STXBP5: variants seen among roughly 807,000 people sequenced by gnomAD.
STXBP5 encodes syntaxin binding protein 5.
In STXBP5, 50 loss-of-function variants were observed where a neutral mutation model predicts 152.4. The ratio of observed to expected loss-of-function variants is 0.33; its 90% confidence interval spans 0.26 to 0.42. STXBP5 has a LOEUF of 0.42. STXBP5 is among the 10% of genes least tolerant of loss of function. STXBP5 has a pLI of 1.00. For synonymous variants in STXBP5, 492 were observed against 494.7 expected (o/e 0.99, Z 0.07); for missense variants, 1,167 against 1,388.6 (o/e 0.84, Z 2.54).
chr6:147,378,409 T>TAAAAAA (rs34601059), intron 26 of STXBP5, among the ~76,000 whole-genome samples: 1 of 136,050 alleles, frequency 7.4e-6, no homozygotes, highest in Non-Finnish European at 1.6e-5. Flanking sequence ...GATTTATCAT[T>TAAAAAA]AAAAAAAAAA....
intron 4 of STXBP5, among the ~76,000 whole-genome samples, chr6:147,258,167 A>G (rs894534048): frequency 1.3e-5 from 2 of 152,220 alleles, no homozygotes; most frequent in Non-Finnish European, 2.9e-5. Context: ...CCACACGATC[A>G]ATCCTAGAGT....
At chr6:147,372,407 C>CTT (rs869251731) in intron 25 of STXBP5, among the ~76,000 whole-genome samples, 1 of 74,800 alleles carries the variant, frequency 1.3e-5, no homozygotes, top group Admixed American at 1.9e-4. Context: ...CGTCCTTTTC[C>CTT]TTTTTTTTTT....
In STXBP5 at chr6:147,388,009, C is replaced by G. The variant is rs1786421524; in HGVS notation, c.*3254C>G. On this transcript the variant is annotated 3_prime_UTR_variant, in exon 28 of 28. Coordinates refer to ENST00000321680, the MANE Select transcript of STXBP5 (RefSeq NM_001127715.4). The stretch of plus-strand genomic sequence containing the variant: ...CATGTATGTTTTGCTTAAGGCATTT[C>G]TCATGTGACATTAGAAAAGCTATAT... 2 of 151,850 alleles carry G rather than the reference C, an allele frequency of 1.3e-5. No homozygotes were observed. The highest frequency in any genetic ancestry group is 1.3e-4 in the Admixed American group (2 of 15,220). 9.4% of individuals were successfully genotyped at this position (151,850 alleles called of 1,614,324 possible).
chr6:147,271,115 A>G (rs1780142848), intron 7 of STXBP5, among the ~76,000 whole-genome samples: 1 of 152,190 alleles, frequency 6.6e-6, no homozygotes, highest in Non-Finnish European at 1.5e-5. Flanking sequence ...ATTTAAATCC[A>G]GCTATGTCAA....
chr6:147,259,934 T>G (rs1779564467), intron 4 of STXBP5, among the ~76,000 whole-genome samples: 2 of 152,126 alleles, frequency 1.3e-5, no homozygotes, highest in African/African-American at 4.8e-5. Flanking sequence ...GCATGTAAAT[T>G]ATTGTAATTT....
chr6:147,237,740 A>G lies in STXBP5; in HGVS notation c.331-1430A>G, dbSNP rs139251510. Among the ~76,000 whole-genome samples the G allele has an allele frequency of 2.7e-3, 412 of 152,334 alleles. 4 individuals are homozygous for G. The highest frequency in any genetic ancestry group is 9.6e-3 in the African/African-American group (400 of 41,578). Reference sequence around the variant, plus strand: ...AAGGTGGAAAGGAGTTGGAGAGATAATTTAATATAAATCTTGTCCTGACAG... The same window carrying G: ...AAGGTGGAAAGGAGTTGGAGAGATAGTTTAATATAAATCTTGTCCTGACAG... On this transcript the variant is annotated intron_variant, in intron 3 of 27. Transcript: ENST00000321680.
intron 22 of STXBP5, among the ~76,000 whole-genome samples, chr6:147,354,813 C>A (rs148908410): frequency 3.2e-4 from 48 of 152,208 alleles, no homozygotes; most frequent in African/African-American, 1.1e-3. Flanking sequence ...ATGCCCTAAG[C>A]CAATTATAAC....
chr6:147,243,053 A>G (rs1329636314), intron 4 of STXBP5, among the ~76,000 whole-genome samples: 1 of 152,190 alleles, frequency 6.6e-6, no homozygotes, highest in East Asian at 1.9e-4. Context: ...GCTGTTATAA[A>G]TATTCACATG....
chr6:147,297,744 T>C (rs1329636003), intron 9 of STXBP5, among the ~76,000 whole-genome samples: 4 of 152,142 alleles, frequency 2.6e-5, no homozygotes, highest in Non-Finnish European at 5.9e-5. Flanking sequence ...GGTAAAAGTC[T>C]AGAATATTTT....
chr6:147,303,508 GAACT>G (rs752216215), intron 9 of STXBP5, among the ~76,000 whole-genome samples: 16 of 152,286 alleles, frequency 1.1e-4, no homozygotes, highest in African/African-American at 2.9e-4. Context: ...AGCAGCAGGA[GAACT>G]AACTAATACA....
intron 8 of STXBP5, among the ~76,000 whole-genome samples, chr6:147,280,224 T>C (rs1310625230): frequency 1.3e-5 from 2 of 152,174 alleles, no homozygotes; most frequent in African/African-American, 4.8e-5. Flanking sequence ...ACAAAGATTA[T>C]AGGTCAGTTA....
At position 147,257,775 on chromosome 6, in the gene STXBP5, A is replaced by C. The variant is rs146970960; in HGVS notation, c.432-2840A>C. ...TTTAGTTGAGTTTATTTTATTACTA[A>C]TAGGTCAATTTTCTATTTCTGCATA... is the stretch of plus-strand genomic sequence containing the variant. On this transcript the variant is annotated intron_variant, in intron 4 of 27. Coordinates refer to ENST00000321680, the MANE Select transcript of STXBP5 (RefSeq NM_001127715.4). Among the ~76,000 whole-genome samples the C allele has an allele frequency of 8.7e-4, 133 of 152,254 alleles. 2 individuals are homozygous for C. Among genetic ancestry groups the C allele is most frequent in the East Asian group, 1.7e-3 (9 of 5,180 alleles).
intron 8 of STXBP5, among the ~76,000 whole-genome samples, chr6:147,279,790 T>C (rs1420460350): frequency 3.9e-5 from 6 of 152,158 alleles, no homozygotes; most frequent in African/African-American, 9.7e-5. Flanking sequence ...TTCCCATGAA[T>C]CTTAGAATCT....
At chr6:147,226,294 C>G (rs994397099) in intron 2 of STXBP5, among the ~76,000 whole-genome samples, 10 of 142,588 alleles carry the variant, frequency 7.0e-5, no homozygotes, top group African/African-American at 2.7e-4. Context: ...CAGTGATACC[C>G]TTACAAAAAA....
chr6:147,282,772 G>A (rs1447460949), intron 8 of STXBP5, among the ~76,000 whole-genome samples: 1 of 152,042 alleles, frequency 6.6e-6, no homozygotes, highest in Non-Finnish European at 1.5e-5. Flanking sequence ...CCTGGGCCAG[G>A]GCCTCACAGG....
At chr6:147,343,211 G>C (rs1177493992) in intron 21 of STXBP5, among the ~76,000 whole-genome samples, 1 of 152,118 alleles carries the variant, frequency 6.6e-6, no homozygotes, top group Non-Finnish European at 1.5e-5. Context: ...TGTTTCCAAG[G>C]TTACTTTTAT....
chr6:147,354,829 C>T (rs1242568915), intron 22 of STXBP5, among the ~76,000 whole-genome samples: 1 of 152,116 alleles, frequency 6.6e-6, no homozygotes, highest in Non-Finnish European at 1.5e-5. Context: ...ATAACTTTGA[C>T]TAATGTATAC....
intron 26 of STXBP5, among the ~76,000 whole-genome samples, chr6:147,375,507 CAAAAT>C (rs1785766291): frequency 6.6e-6 from 1 of 151,016 alleles, no homozygotes; most frequent in Admixed American, 6.6e-5. Context: ...CACAAAGAAA[CAAAAT>C]AAAACATGTA....
At chr6:147,306,516 A>G (rs2128366770) in intron 9 of STXBP5, among the ~76,000 whole-genome samples, 1 of 152,346 alleles carries the variant, frequency 6.6e-6, no homozygotes, top group South Asian at 2.1e-4. Flanking sequence ...CTATCATACA[A>G]AAGTAATTGT....
Sources: gnomAD v4.1 joint callset for allele counts (sites outside exome capture counted in the v4.1 genomes callset) on GRCh38, gnomAD v4.1.1 for gene constraint, MANE v1.5 for transcripts, NCBI Gene and HGNC (gene_info 2026-07-23, HGNC 2026-07-21) for gene names.